Variants in CDH18 observed in about 807,000 individuals in gnomAD.
The protein encoded by CDH18 is cadherin 18, also known as cadherin-18.
CDH18 carries 31 observed loss-of-function variants against 67.9 expected under a neutral mutation model. The ratio of observed to expected loss-of-function variants is 0.46; its 90% CI spans 0.34 to 0.62. The LOEUF (loss-of-function observed/expected upper bound fraction) is 0.62, where lower values mean the gene tolerates loss of function less well. Ranked by LOEUF, CDH18 falls within the 20% of genes least tolerant of loss-of-function variation. CDH18 has a pLI of 0.01. For synonymous variants in CDH18, 362 were observed against 347.2 expected (o/e 1.04, Z -0.48); for missense variants, 890 against 975.5 (o/e 0.91, Z 1.17).
At chr5:20,331,146 G>C (rs929718928) in intron 1 of CDH18, among the ~76,000 whole-genome samples, 2 of 152,294 alleles carry the variant, frequency 1.3e-5, no homozygotes. Context: ...ATTAATGATA[G>C]ATCTATGTTT....
intron 1 of CDH18, among the ~76,000 whole-genome samples, chr5:20,347,760 A>G (rs529850294): frequency 3.3e-5 from 5 of 152,282 alleles, no homozygotes; most frequent in African/African-American, 4.8e-5. Context: ...ACCAAGAGGG[A>G]GTCAGTCAGC....
chr5:20,412,028 A>C (rs2150144860), intron 1 of CDH18, among the ~76,000 whole-genome samples: 1 of 152,320 alleles, frequency 6.6e-6, no homozygotes, highest in East Asian at 1.9e-4. Flanking sequence ...AATTAGAAAA[A>C]GCAATCCTAA....
At position 20,487,943 on chromosome 5, in the gene CDH18, A is replaced by G. The variant is rs1753306736; in HGVS notation, c.-580+87519T>C. Reference sequence around the variant, plus strand: ...CTAATGTAAAACCTGAACATGAGACACTGTGGAAGTCTCCTCCAGCTGTTC... The same window carrying G: ...CTAATGTAAAACCTGAACATGAGACGCTGTGGAAGTCTCCTCCAGCTGTTC... On this transcript the variant is annotated intron_variant, in intron 1 of 14. Transcript: ENST00000507958. Among the ~76,000 whole-genome samples the G allele has an allele frequency of 2.0e-5, 3 of 152,206 alleles. No homozygotes were observed. The South Asian group carries it at 6.2e-4, about 32-fold the overall frequency.
chr5:20,293,946 T>A (rs1294340996), intron 1 of CDH18, among the ~76,000 whole-genome samples: 2 of 152,208 alleles, frequency 1.3e-5, no homozygotes, highest in Non-Finnish European at 2.9e-5. Flanking sequence ...ATTTCACTGA[T>A]GTACGTAGGC....
At chr5:19,491,507 TA>T (rs1013225456) in intron 11 of CDH18, among the ~76,000 whole-genome samples, 18 of 152,202 alleles carry the variant, frequency 1.2e-4, no homozygotes, top group African/African-American at 4.3e-4. Flanking sequence ...GATAAACATT[TA>T]AAAATTCCCT....
intron 1 of CDH18, among the ~76,000 whole-genome samples, chr5:20,466,284 G>A (rs1177925810): frequency 6.6e-6 from 1 of 151,948 alleles, no homozygotes; most frequent in Non-Finnish European, 1.5e-5. Context: ...TGTAATTACT[G>A]AAAGTAAACT....
chr5:20,042,524 G>A (rs530792339), intron 2 of CDH18, among the ~76,000 whole-genome samples: 4 of 152,118 alleles, frequency 2.6e-5, no homozygotes, highest in East Asian at 3.9e-4. Flanking sequence ...AACATAATTG[G>A]CTGGCAGTTT....
At chr5:19,677,959 A>G (rs1189224599) in intron 5 of CDH18, among the ~76,000 whole-genome samples, 2 of 151,954 alleles carry the variant, frequency 1.3e-5, no homozygotes, top group Non-Finnish European at 2.9e-5. Flanking sequence ...TATATGTTAT[A>G]TATATAAAAC....
At chr5:20,361,229 G>A (rs1311074474) in intron 1 of CDH18, among the ~76,000 whole-genome samples, 1 of 151,780 alleles carries the variant, frequency 6.6e-6, no homozygotes, top group East Asian at 1.9e-4. Context: ...AAGAAATCAA[G>A]GGACTTACTA....
chr5:20,561,419 C>T (rs554280891), intron 1 of CDH18, among the ~76,000 whole-genome samples: 4 of 152,032 alleles, frequency 2.6e-5, no homozygotes, highest in East Asian at 1.9e-4. Flanking sequence ...AATATTTTTC[C>T]GTGCTATAAA....
At chr5:19,750,731 T>A (rs1770723931) in intron 3 of CDH18, among the ~76,000 whole-genome samples, 1 of 149,484 alleles carries the variant, frequency 6.7e-6, no homozygotes, top group South Asian at 2.1e-4. Context: ...ATTTGGAAGA[T>A]AAATTAGATT....
chr5:19,724,054 C>T lies in CDH18; in HGVS notation c.524-2588G>A, dbSNP rs145175262. Among the ~76,000 whole-genome samples, 195 of 152,190 alleles carry T rather than the reference C, an allele frequency of 1.3e-3. 1 individual carries two copies. The highest frequency in any genetic ancestry group is 4.6e-3 in the African/African-American group (189 of 41,526). ...ATAAAAACTGATGTTCACAGAAAAA[C>T]CTGCTTACAAATATTCATAGTGGCA... On this transcript the variant is annotated intron_variant, in intron 4 of 12. Transcript: ENST00000382275.
At chr5:19,793,710 A>C (rs1431070635) in intron 3 of CDH18, among the ~76,000 whole-genome samples, 1 of 152,116 alleles carries the variant, frequency 6.6e-6, no homozygotes, top group African/African-American at 2.4e-5. Flanking sequence ...GGAAAGATAG[A>C]CAATAAAACA....
intron 5 of CDH18, among the ~76,000 whole-genome samples, chr5:19,626,454 T>TGG (rs1751561367): frequency 6.6e-6 from 1 of 152,060 alleles, no homozygotes; most frequent in African/African-American, 2.4e-5. Flanking sequence ...TCATGAAGAG[T>TGG]GGCCTTGGAT....
At chr5:20,563,311 A>G (rs1249068761) in intron 1 of CDH18, among the ~76,000 whole-genome samples, 1 of 152,068 alleles carries the variant, frequency 6.6e-6, no homozygotes, top group Non-Finnish European at 1.5e-5. Context: ...AAAGTCTGAA[A>G]TTTACAAGTT....
At chr5:20,262,969 AGAAGG>A (rs971682036) in intron 1 of CDH18, among the ~76,000 whole-genome samples, 48 of 131,198 alleles carry the variant, frequency 3.7e-4, no homozygotes, top group African/African-American at 6.2e-4. Flanking sequence ...AATGGGGGAA[AGAAGG>A]GAAGGGAAGG....
In CDH18 at chr5:20,038,950, G is replaced by A. The variant is rs187256288; in HGVS notation, c.-517-46936C>T. ...GATTGTATATTTAGAAAACCCCATC[G>A]TTTCAGCCCAAAATCTCCTTAAGCT... On this transcript the variant is annotated intron_variant, in intron 2 of 14. Coordinates refer to the CDH18 transcript ENST00000507958. Among the ~76,000 whole-genome samples the A allele has an allele frequency of 4.1e-3, 630 of 152,140 alleles. 2 individuals are homozygous for A. Among genetic ancestry groups the A allele is most frequent in the Non-Finnish European group, 6.6e-3 (446 of 67,954 alleles).
intron 1 of CDH18, among the ~76,000 whole-genome samples, chr5:20,499,047 T>C (rs1754081249): frequency 6.6e-6 from 1 of 152,174 alleles, no homozygotes. Flanking sequence ...CTTTCCTGCT[T>C]CAAGCAATTA....
chr5:20,268,759 C>T (rs1365003676), intron 1 of CDH18, among the ~76,000 whole-genome samples: 2 of 152,058 alleles, frequency 1.3e-5, no homozygotes, highest in African/African-American at 2.4e-5. Flanking sequence ...AGCATAAGAA[C>T]TGAAACTTTA....
Sources: gnomAD v4.1 joint callset for allele counts (sites outside exome capture counted in the v4.1 genomes callset) on GRCh38, gnomAD v4.1.1 for gene constraint, MANE v1.5 for transcripts, NCBI Gene and HGNC (gene_info 2026-07-23, HGNC 2026-07-21) for gene names.